The following PDZD2 variants were observed in gnomAD, a reference collection of about 807,000 sequenced individuals.
PDZD2 encodes PDZ domain containing 2.
PDZD2 carries 90 observed loss-of-function variants against 220.7 expected under a neutral mutation model. That is an observed-to-expected ratio of 0.41 (90% CI 0.34 to 0.49). The LOEUF is 0.49. Ranked by LOEUF, PDZD2 falls within the 20% of genes least tolerant of loss-of-function variation. The pLI is 0.28. For synonymous variants in PDZD2, 1,375 were observed against 1,450.5 expected, an observed-to-expected ratio of 0.95 and a Z score of 1.18; for missense variants, 3,174 against 3,608.5, an observed-to-expected ratio of 0.88 and a Z score of 3.08.
intron 1 of PDZD2, among the ~76,000 whole-genome samples, chr5:31,767,161 A>G (rs1476772234): frequency 2.7e-5 from 4 of 150,418 alleles, no homozygotes; most frequent in African/African-American, 9.8e-5. Context: ...CCTCCCGAGT[A>G]GCTGGGATTA....
chr5:31,749,271 A>C (rs977158289), intron 1 of PDZD2, among the ~76,000 whole-genome samples: 5 of 152,198 alleles, frequency 3.3e-5, no homozygotes, highest in Non-Finnish European at 5.9e-5. Context: ...ATAGGCCCAC[A>C]GATACTTGTT....
chr5:31,949,565 A>C (rs1184541208), intron 2 of PDZD2, among the ~76,000 whole-genome samples: 1 of 151,646 alleles, frequency 6.6e-6, no homozygotes, highest in East Asian at 1.9e-4. Flanking sequence ...TGAAACCATC[A>C]TATCCTATCC....
intron 1 of PDZD2, among the ~76,000 whole-genome samples, chr5:31,724,988 C>T (rs1749036530): frequency 6.6e-6 from 1 of 152,144 alleles, no homozygotes; most frequent in Non-Finnish European, 1.5e-5. Flanking sequence ...TATACAGAGA[C>T]ACCACAAATT....
intron 1 of PDZD2, among the ~76,000 whole-genome samples, chr5:31,679,756 A>C (rs912895426): frequency 6.6e-6 from 1 of 152,078 alleles, no homozygotes; most frequent in Non-Finnish European, 1.5e-5. Flanking sequence ...GTGATCTTCC[A>C]GCCTCAGCCT....
intron 1 of PDZD2, among the ~76,000 whole-genome samples, chr5:31,733,755 C>T (rs764844951): frequency 2.0e-5 from 3 of 152,190 alleles, no homozygotes; most frequent in African/African-American, 4.8e-5. Context: ...TGAGAGCTAT[C>T]GCCGTTCCTG....
chr5:31,782,185 G>C (rs1753097511), intron 1 of PDZD2, among the ~76,000 whole-genome samples: 1 of 152,166 alleles, frequency 6.6e-6, no homozygotes. Flanking sequence ...GTGGGGTAGA[G>C]TAGGGTTGCC....
intron 1 of PDZD2, among the ~76,000 whole-genome samples, chr5:31,752,774 G>T (rs1343289519): frequency 6.6e-6 from 1 of 152,152 alleles, no homozygotes; most frequent in African/African-American, 2.4e-5. Context: ...CTTCTTTGAA[G>T]CCTGTTTCAA....
intron 1 of PDZD2, among the ~76,000 whole-genome samples, chr5:31,649,101 C>G (rs1446051860): frequency 6.6e-6 from 1 of 151,880 alleles, no homozygotes; most frequent in Non-Finnish European, 1.5e-5. Flanking sequence ...TGGTCTCAAA[C>G]TCCTGGGCCC....
chr5:31,871,263 C>G (rs981303022), intron 2 of PDZD2, among the ~76,000 whole-genome samples: 1 of 151,974 alleles, frequency 6.6e-6, no homozygotes, highest in Non-Finnish European at 1.5e-5. Flanking sequence ...TCAAATTGCC[C>G]CCAAAACGTT....
intron 2 of PDZD2, among the ~76,000 whole-genome samples, chr5:31,965,988 C>A (rs1748711600): frequency 6.6e-6 from 1 of 151,946 alleles, no homozygotes; most frequent in African/African-American, 2.4e-5. Flanking sequence ...AAGCTGCAGC[C>A]CTTCTCCTCA....
intron 2 of PDZD2, chr5:31,854,990 G>GA: frequency 1.0e-6 from 1 of 985,448 alleles, no homozygotes; most frequent in Non-Finnish European, 1.2e-6. Flanking sequence ...CGCGTTCCAG[G>GA]AGGGCAGCTG....
At chr5:31,950,068 T>C (rs1747043965) in intron 2 of PDZD2, among the ~76,000 whole-genome samples, 1 of 152,180 alleles carries the variant, frequency 6.6e-6, no homozygotes, top group South Asian at 2.1e-4. Context: ...CCTCCGGTGA[T>C]GTGGACAGTT....
Position 31,995,644 on chromosome 5 carries a change from T to C in PDZD2, c.1047T>C (p.Ser349=). ...CGGATGGGCTGGGAATTCAGGTTAG[T>C]GGAGGCCGAGGATCAAAGCGCTCAC... ...KESDGLGIQV[S]GGRGSKRSPH... is the part of the protein sequence containing the mutation. The change falls in exon 4 of 25, where the codon AGT becomes AGC. Residue 349 remains serine, a synonymous_variant. Transcript: ENST00000438447. 1 of 1,614,114 alleles carries C rather than the reference T, an allele frequency of 6.2e-7. No individual in the cohort carries two copies. Among genetic ancestry groups the C allele is most frequent in the East Asian group, 2.2e-5 (1 of 44,882 alleles).
At chr5:31,742,653 G>A (rs1280773507) in intron 1 of PDZD2, among the ~76,000 whole-genome samples, 3 of 151,960 alleles carry the variant, frequency 2.0e-5, no homozygotes, top group Admixed American at 6.6e-5. Flanking sequence ...GCATTTGCTG[G>A]TTGTTTGACT....
At chr5:31,843,027 A>C (rs1245970847) in intron 2 of PDZD2, among the ~76,000 whole-genome samples, 2 of 151,550 alleles carry the variant, frequency 1.3e-5, no homozygotes, top group Non-Finnish European at 2.9e-5. Context: ...GATTACAGGC[A>C]TGCACCACCA....
intron 2 of PDZD2, among the ~76,000 whole-genome samples, chr5:31,887,277 T>C (rs1267039709): frequency 3.9e-5 from 6 of 152,030 alleles, no homozygotes; most frequent in Admixed American, 1.3e-4. Context: ...AAAATCGATA[T>C]GTAGTGTGAA....
At chr5:31,953,272 A>T (rs1271509599) in intron 2 of PDZD2, among the ~76,000 whole-genome samples, 1 of 152,160 alleles carries the variant, frequency 6.6e-6, no homozygotes, top group Admixed American at 6.5e-5. Context: ...AAGATGAAAG[A>T]CAGTCTGTTT....
intron 2 of PDZD2, among the ~76,000 whole-genome samples, chr5:31,944,209 C>CAGAG (rs1746446293): frequency 6.6e-6 from 1 of 152,050 alleles, no homozygotes; most frequent in Non-Finnish European, 1.5e-5. Context: ...ACCAGGTAGC[C>CAGAG]AGAGAGTCTA....
At chr5:31,854,974 A>T (rs1580901554) in intron 2 of PDZD2, 1 of 985,460 alleles carries the variant, frequency 1.0e-6, no homozygotes, top group Non-Finnish European at 1.2e-6. Context: ...GAAGTCCTGC[A>T]GGAGCCGCGT....
Sources: allele counts gnomAD v4.1 joint callset (sites outside exome capture counted in the v4.1 genomes callset), GRCh38; gene constraint gnomAD v4.1.1; transcripts MANE v1.5; gene names NCBI Gene and HGNC (gene_info 2026-07-23, HGNC 2026-07-21).